DICER1: variants seen among roughly 807,000 people sequenced by gnomAD.
The protein encoded by DICER1 is dicer 1, ribonuclease III, also known as endoribonuclease Dicer.
DICER1 carries 43 observed loss-of-function variants against 194.1 expected under a neutral mutation model. That is an observed-to-expected ratio of 0.22 (90% confidence interval 0.17 to 0.29). The LOEUF (loss-of-function observed/expected upper bound fraction) is 0.29, where lower values mean the gene tolerates loss of function less well. Among genes scored for constraint, DICER1 ranks in the 10% least tolerant of loss-of-function variants. DICER1 has a pLI of 1.00. For missense variants in DICER1, 1,608 were observed against 2,317.0 expected, an observed-to-expected ratio of 0.69 and a Z score of 6.28; for synonymous variants, 832 against 820.5, an observed-to-expected ratio of 1.01 and a Z score of -0.24.
intron 12 of DICER1, 72 bp downstream of exon 12, chr14:95,113,020 C>A: frequency 6.6e-7 from 1 of 1,511,362 alleles, no homozygotes; most frequent in Non-Finnish European, 9.2e-7. Context: ...ACTTGCAAGT[C>A]TTAGAAAAGC....
chr14:95,124,781 C>A lies in DICER1; in HGVS notation c.904-113G>T. Reference sequence around the variant, plus strand: ...CTCAAATGGCTCCTTAAATGTAACCCAGCCTTAGGTTAAGTCCCTGAAGGT... The same window carrying A: ...CTCAAATGGCTCCTTAAATGTAACCAAGCCTTAGGTTAAGTCCCTGAAGGT... On this transcript the variant is annotated intron_variant, in intron 7 of 26. Transcript: ENST00000343455. The surrounding 1 kb of genome is among the most constrained non-coding windows in gnomAD (Gnocchi z 4.5). 1 of 911,440 alleles carries A rather than the reference C, an allele frequency of 1.1e-6. No individual in the cohort carries two copies. The highest frequency in any genetic ancestry group is 1.7e-6 in the Non-Finnish European group (1 of 582,258). The allele number at this position is 911,440 out of a possible 1,614,324, so 56.5% of individuals were successfully genotyped here.
chr14:95,148,317 T>C (rs2140426981), intron 1 of DICER1, among the ~76,000 whole-genome samples: 1 of 152,258 alleles, frequency 6.6e-6, no homozygotes, highest in Non-Finnish European at 1.5e-5. Flanking sequence ...TGCCTTAGTC[T>C]TCCCAGTAAC....
chr14:95,132,739 G>T, intron 2 of DICER1, 62 bp from the exon 3 acceptor site: 1 of 1,508,602 alleles, frequency 6.6e-7, no homozygotes, highest in Non-Finnish European at 9.2e-7. Flanking sequence ...TTATAAAATT[G>T]GATTTTATTT....
chr14:95,097,118 A>C (rs1890425529), intron 22 of DICER1, among the ~76,000 whole-genome samples: 2 of 152,248 alleles, frequency 1.3e-5, no homozygotes, highest in South Asian at 4.1e-4. Context: ...AAATTTGAAA[A>C]TGTGGTAATT....
intron 6 of DICER1, chr14:95,129,108 A>C (rs1262577960): frequency 5.4e-6 from 1 of 186,288 alleles, no homozygotes; most frequent in African/African-American, 2.3e-5. Flanking sequence ...TAAATAACTT[A>C]ATGTTCTTTG....
intron 1 of DICER1, among the ~76,000 whole-genome samples, chr14:95,146,358 GC>G (rs1293523574): frequency 1.3e-5 from 2 of 152,048 alleles, no homozygotes; most frequent in African/African-American, 4.8e-5. Context: ...ACACTGTCAA[GC>G]CCACCTTTGA....
At chr14:95,118,796 CT>C (rs1160446319) in intron 8 of DICER1, among the ~76,000 whole-genome samples, 2 of 146,894 alleles carry the variant, frequency 1.4e-5, no homozygotes, top group African/African-American at 2.7e-5. Flanking sequence ...TTGAATCATT[CT>C]TTTAAAAAAA....
rs563395930 is a variant in DICER1, at chr14:95,103,545, C to G, written c.3851G>C (p.Gly1284Ala). 167 of 1,614,034 alleles carry G rather than the reference C, an allele frequency of 1.0e-4. 2 individuals carry two copies. In the South Asian group the frequency reaches 1.8e-3, roughly 17 times the overall value. ...GGGGCCAAGAGTCCTTGAGGAGTAC[C>G]CAATAGAAGGGCTCTGCTCAGAATC... ...RMDSEQSPSI[G>A]YSSRTLGPNP... Residue 1284 changes from glycine (G) to alanine (A), a missense_variant, in exon 21 of 27, where the codon GGG becomes GCG. By Grantham distance (60) the Gly-to-Ala change is moderately conservative. This residue lies in a region of DICER1 where 222 missense variants were observed against 215.5 expected (regional missense o/e 1.03). Coordinates refer to ENST00000343455, the MANE Select transcript of DICER1 (RefSeq NM_177438.3).
In DICER1 at chr14:95,087,671, C is replaced by T. The variant is rs1040390206; in HGVS notation, c.*2827G>A. 4 of 232,924 alleles carry T rather than the reference C, an allele frequency of 1.7e-5. No homozygotes were observed. The highest frequency in any genetic ancestry group is 1.2e-4 in the East Asian group (2 of 16,578). 14.4% of individuals were successfully genotyped at this position (232,924 alleles called of 1,614,324 possible). Reference sequence around the variant, plus strand: ...ATAAAACGCAGCATAGTTAGGACTGCGGAAAGCATATTATAAAAGAAATTT... The same window carrying T: ...ATAAAACGCAGCATAGTTAGGACTGTGGAAAGCATATTATAAAAGAAATTT... On this transcript the variant is annotated 3_prime_UTR_variant, in exon 27 of 27. Transcript: ENST00000343455.
At position 95,115,579 on chromosome 14, in the gene DICER1, C is replaced by T. The variant is rs372190360; in HGVS notation, c.1907+88G>A. 1.6e-4 allele frequency: 238 copies of T among 1,466,674 alleles called. 4 individuals carry two copies. The South Asian group carries it at 2.2e-3, about 14-fold the overall frequency. 90.9% of individuals were successfully genotyped at this position (1,466,674 alleles called of 1,614,324 possible). A position where few individuals can be genotyped will look rare whatever the true frequency, so the allele number is the denominator to read the frequency against. The stretch of plus-strand genomic sequence containing the variant: ...AAGTCTAAGTAAAGACTGGTAACCG[C>T]AAAATGTCAACAATACAAAATGTAC... On this transcript the variant is annotated intron_variant, in intron 11 of 26. Transcript: ENST00000343455.
At chr14:95,157,726 G>T (rs1320895140), upstream of DICER1, 5 of 152,264 alleles carry the variant, frequency 3.3e-5, no homozygotes, top group Non-Finnish European at 1.5e-5. Context: ...GGACCTTGGC[G>T]TTGGGCCGCA....
Position 95,103,672 on chromosome 14 carries a change from A to G in DICER1, c.3724T>C (p.Tyr1242His). 6.2e-7 allele frequency: 1 copy of G among 1,614,164 alleles called. No homozygotes were observed. Among genetic ancestry groups the G allele is most frequent in the South Asian group, 1.1e-5 (1 of 91,078 alleles). The change falls in exon 21 of 27, where the codon TAC becomes CAC. Residue 1242 changes from tyrosine to histidine, a missense_variant. Physicochemically the swap from Tyr to His is moderately conservative, Grantham distance 83. This residue lies in a region of DICER1 where 222 missense variants were observed against 215.5 expected (regional missense o/e 1.03). Coordinates refer to ENST00000343455, the MANE Select transcript of DICER1 (RefSeq NM_177438.3). ...GATTTGTTAGCATTTCCATCAAGGT[A>G]TTTATTACTCAGGAGAGTACATTCA... ...SDECTLLSNK[Y>H]LDGNANKSTS...
chr14:95,094,278 T>C, intron 23 of DICER1, 122 bp from the exon 24 acceptor site: 2 of 1,264,362 alleles, frequency 1.6e-6, no homozygotes, highest in Non-Finnish European at 2.2e-6. Flanking sequence ...ACATATATTC[T>C]TCAAAAAGGA....
rs1894114739 is a variant in DICER1 at position 95,133,324 on chromosome 14, T to C, written c.135A>G (p.Arg45=). The change falls in exon 2 of 27, where the codon AGA becomes AGG. Residue 45 remains arginine (R), a synonymous_variant. Coordinates refer to ENST00000343455, the MANE Select transcript of DICER1 (RefSeq NM_177438.3). ...GTGTTCGCATTAGTACCTGATATTT[T>C]CTTGGCGTATAAATGTTATCATGAA... ...EAIHDNIYTP[R]KYQVELLEAA... is the part of the protein sequence containing the mutation. 6.2e-7 allele frequency: 1 copy of C among 1,614,156 alleles called. No individual in the cohort carries two copies. The highest frequency in any genetic ancestry group is 1.7e-4 in the Middle Eastern group (1 of 6,042).
chr14:95,106,474 T>C, intron 17 of DICER1, among the ~76,000 whole-genome samples: 1 of 152,136 alleles, frequency 6.6e-6, no homozygotes, highest in South Asian at 2.1e-4. Flanking sequence ...TGATAACACA[T>C]GAAGCTAAAT....
chr14:95,091,534 T>C, intron 24 of DICER1, 169 bp from the exon 25 acceptor site: 1 of 650,512 alleles, frequency 1.5e-6, no homozygotes, highest in African/African-American at 1.8e-5. Context: ...AATGTTATAT[T>C]TTTAAAAAAG....
intron 3 of DICER1, among the ~76,000 whole-genome samples, chr14:95,132,141 T>C: frequency 6.6e-6 from 1 of 152,236 alleles, no homozygotes; most frequent in East Asian, 1.9e-4. Context: ...TGTAACTTTA[T>C]TAATACAACT....
intron 22 of DICER1, 47 bp downstream of exon 22, chr14:95,099,733 C>T (rs756595839): frequency 5.4e-5 from 3 of 55,956 alleles, no homozygotes; most frequent in Non-Finnish European, 6.9e-5. Context: ...CCTCCAGTTA[C>T]ACACACACAC....
intron 8 of DICER1, among the ~76,000 whole-genome samples, chr14:95,118,217 C>A (rs1892654485): frequency 6.6e-6 from 1 of 152,182 alleles, no homozygotes; most frequent in South Asian, 2.1e-4. Flanking sequence ...GAGCTGCAGG[C>A]CCTACTGTGC....
Sources: allele counts gnomAD v4.1 joint callset (sites outside exome capture counted in the v4.1 genomes callset), GRCh38; gene constraint gnomAD v4.1.1; regional missense constraint gnomAD v4.1.1; non-coding constraint Gnocchi (gnomAD v3.1); transcripts MANE v1.5; gene names NCBI Gene and HGNC (gene_info 2026-07-23, HGNC 2026-07-21).